RPS3: variants seen among roughly 807,000 people sequenced by gnomAD.
RPS3 encodes ribosomal protein S3.
RPS3 carries 2 observed loss-of-function variants against 25.8 expected under a neutral mutation model. That is an observed-to-expected ratio of 0.08 (90% CI 0.03 to 0.24). The LOEUF (loss-of-function observed/expected upper bound fraction) is 0.24, where lower values mean the gene tolerates loss of function less well. Ranked by LOEUF, RPS3 falls within the 10% of genes least tolerant of loss-of-function variation. RPS3 has a pLI of 1.00. For synonymous variants in RPS3, 114 were observed against 114.2 expected (o/e 1.00, Z 0.01); for missense variants, 107 against 307.1 (o/e 0.35, Z 4.87).
chr11:75,407,634 A>AT (rs1343016941), downstream of RPS3, among the ~76,000 whole-genome samples: 231 of 150,632 alleles, frequency 1.5e-3, no homozygotes, highest in African/African-American at 4.9e-3. Context: ...AAGTCTGGCT[A>AT]TTTTTTTTTG....
chr11:75,401,575 T>A (rs997070204), intron 2 of RPS3, 65 bp from the exon 3 acceptor site: 77 of 1,099,028 alleles, frequency 7.0e-5, no homozygotes, highest in Non-Finnish European at 9.9e-5. Flanking sequence ...ACCACACATA[T>A]ATGCAAGATT....
chr11:75,417,194 G>T (rs1948406306), intron 6 of RPS3, among the ~76,000 whole-genome samples: 1 of 152,156 alleles, frequency 6.6e-6, no homozygotes, highest in African/African-American at 2.4e-5. Context: ...TATTGGCAGG[G>T]TATGGTGGCT....
chr11:75,419,008 T>G (rs1006505735), intron 6 of RPS3, among the ~76,000 whole-genome samples: 2 of 152,296 alleles, frequency 1.3e-5, no homozygotes, highest in East Asian at 3.9e-4. Context: ...AATTAAGGAC[T>G]TTTTTGCTTT....
intron 3 of RPS3, 63 bp downstream of exon 3, chr11:75,401,796 C>A (rs1948213696): frequency 2.2e-6 from 2 of 915,692 alleles, no homozygotes; most frequent in East Asian, 4.8e-5. Context: ...TAAAAACTCT[C>A]AACTTGGAGA....
intron 2 of RPS3, 139 bp from the exon 3 acceptor site, chr11:75,401,501 C>T: frequency 1.6e-6 from 1 of 630,950 alleles, no homozygotes; most frequent in Non-Finnish European, 2.8e-6. Flanking sequence ...AAAAAAAAAG[C>T]TGCGTTTTAA....
intron 6 of RPS3, among the ~76,000 whole-genome samples, chr11:75,419,152 T>C (rs1342110237): frequency 6.6e-6 from 1 of 152,214 alleles, no homozygotes; most frequent in African/African-American, 2.4e-5. Flanking sequence ...GTCATCCTGA[T>C]TCACTGTTTG....
In RPS3 at chr11:75,405,800, C is replaced by T. The variant is rs1948279301; in HGVS notation, c.*190C>T. On this transcript the variant is annotated 3_prime_UTR_variant, in exon 7 of 7. Transcript: ENST00000531188. ...CTTGTGGTATTTGCAAGGGCCAGAA[C>T]AGTAAGACCCAAGCAGAGCCAACCA... 1 of 325,104 alleles carries T rather than the reference C, an allele frequency of 3.1e-6. No homozygotes were observed. The highest frequency in any genetic ancestry group is 6.1e-6 in the Non-Finnish European group (1 of 164,104). The allele number at this position is 325,104 out of a possible 1,614,324, so 20.1% of individuals were successfully genotyped here. A position where few individuals can be genotyped will look rare whatever the true frequency, so the allele number is the denominator to read the frequency against.
chr11:75,399,805 C>T, intron 1 of RPS3: 1 of 560,530 alleles, frequency 1.8e-6, no homozygotes, highest in South Asian at 2.3e-5. Context: ...GCACCAGGCG[C>T]CCCTTCTGTC....
Position 75,404,715 on chromosome 11 carries a change from A to T in RPS3, c.582A>T (p.Pro194=), listed in dbSNP as rs1335220072. Residue 194 remains proline, a synonymous_variant, in exon 6 of 7, where the codon CCA becomes CCT. Coordinates refer to ENST00000531188, the MANE Select transcript of RPS3 (RefSeq NM_001005.5). This position sits in a 1 kb window ranked among gnomAD's most constrained non-coding sequence, Gnocchi z 4.6. ...IKVKIMLPWD[P]TGKIGPKKPL... is the part of the protein sequence containing the mutation. Reference sequence around the variant, plus strand: ...TGAAGATCATGCTGCCCTGGGACCCAACTGGTAAGATTGGCCCTAAGAAGC... The same window carrying T: ...TGAAGATCATGCTGCCCTGGGACCCTACTGGTAAGATTGGCCCTAAGAAGC... 1 of 1,613,442 alleles carries T rather than the reference A, an allele frequency of 6.2e-7. No individual in the cohort carries two copies. The highest frequency in any genetic ancestry group is 1.7e-5 in the Admixed American group (1 of 59,980).
At chr11:75,420,193 A>G (rs1592034805) in intron 6 of RPS3, among the ~76,000 whole-genome samples, 1 of 152,336 alleles carries the variant, frequency 6.6e-6, no homozygotes, top group African/African-American at 2.4e-5. Context: ...TCCAAAGTGC[A>G]GTGGATTAGG....
intron 2 of RPS3, among the ~76,000 whole-genome samples, chr11:75,401,063 T>C (rs1043637045): frequency 3.3e-5 from 5 of 152,128 alleles, no homozygotes; most frequent in Non-Finnish European, 7.4e-5. Flanking sequence ...TTTGTGTTTT[T>C]AGTAGAGTTG....
chr11:75,400,400 A>C (rs367826067), intron 1 of RPS3: 40 of 544,358 alleles, frequency 7.3e-5, no homozygotes, highest in African/African-American at 6.2e-4. Context: ...CCTTCGATGA[A>C]GAGATGATGA....
chr11:75,418,515 T>C lies in RPS3; in HGVS notation c.*4-3212T>C, dbSNP rs147409492. 4.6e-5 allele frequency among the ~76,000 whole-genome samples: 7 copies of C among 152,138 alleles called. No homozygotes were observed. The East Asian group carries it at 1.4e-3, about 29-fold the overall frequency. ...AAAGGTAAAAAAATTTTTTAAAAAA[T>C]AAAGTACAGGATGAAGTGAATTGAA... On this transcript the variant is annotated intron_variant, in intron 6 of 6. Coordinates refer to the RPS3 transcript ENST00000527446.
rs1948208359 is a variant in RPS3 at position 75,401,428 on chromosome 11, G to C, written c.162-212G>C. On this transcript the variant is annotated intron_variant, in intron 2 of 6. Coordinates refer to ENST00000531188, the MANE Select transcript of RPS3 (RefSeq NM_001005.5). ...GCAGGCGATGGCTTGAGCTCAAGAG[G>C]TTCAGGCTGCAGTGAGCCATTGGTG... Among the ~76,000 whole-genome samples the C allele has an allele frequency of 3.9e-5, 6 of 152,086 alleles. No homozygotes were observed. The South Asian group carries it at 1.2e-3, about 32-fold the overall frequency.
chr11:75,410,789 G>T (rs1948349644), downstream of RPS3, among the ~76,000 whole-genome samples: 1 of 152,198 alleles, frequency 6.6e-6, no homozygotes, highest in African/African-American at 2.4e-5. Context: ...CTGGAGACCA[G>T]CCCGGCCAAC....
chr11:75,400,625 TA>T, intron 1 of RPS3, 68 bp from the exon 2 acceptor site: 1 of 1,591,458 alleles, frequency 6.3e-7, no homozygotes, highest in Non-Finnish European at 8.6e-7. Context: ...CTAATAAGAC[TA>T]GACTGGCTCA....
chr11:75,402,236 C>A, intron 3 of RPS3, 116 bp from the exon 4 acceptor site: 1 of 1,512,504 alleles, frequency 6.6e-7, no homozygotes, highest in Non-Finnish European at 9.1e-7. Context: ...GCATGCGGCC[C>A]GTGGGTTGGG....
At chr11:75,401,195 T>G (rs563927352) in intron 2 of RPS3, among the ~76,000 whole-genome samples, 2 of 152,336 alleles carry the variant, frequency 1.3e-5, no homozygotes, top group Admixed American at 1.3e-4. Flanking sequence ...TTATCCTTTA[T>G]GAACTTAAGG....
chr11:75,418,379 G>A (rs931349804), intron 6 of RPS3, among the ~76,000 whole-genome samples: 1 of 152,190 alleles, frequency 6.6e-6, no homozygotes, highest in African/African-American at 2.4e-5. Flanking sequence ...TTTTTTAACC[G>A]TATTTGGGTT....
Sources: allele counts gnomAD v4.1 joint callset (sites outside exome capture counted in the v4.1 genomes callset), GRCh38; gene constraint gnomAD v4.1.1; non-coding constraint Gnocchi (gnomAD v3.1); transcripts MANE v1.5; gene names NCBI Gene and HGNC (gene_info 2026-07-23, HGNC 2026-07-21).